DPYSL5: variants seen among roughly 807,000 people sequenced by gnomAD.
DPYSL5 encodes the protein dihydropyrimidinase like 5.
Under a neutral mutation model 58.4 loss-of-function variants are expected in DPYSL5, and 9 were observed. The observed-to-expected ratio is 0.15, with a 90% confidence interval of 0.09 to 0.27. DPYSL5 has a LOEUF of 0.27. DPYSL5 is among the 10% of genes least tolerant of loss of function. The probability of loss-of-function intolerance (pLI) is 1.00; values close to 1 mark genes in which losing one functional copy is unlikely to be tolerated. For missense variants in DPYSL5, 499 were observed against 770.6 expected, an observed-to-expected ratio of 0.65 and a Z score of 4.17; for synonymous variants, 293 against 301.9, an observed-to-expected ratio of 0.97 and a Z score of 0.31.
chr2:26,898,432 A>G lies in DPYSL5; in HGVS notation c.-4-64A>G. ...ACCATGGAATTTGGGCTTTGATAGGAGGGATGGGAAACTGGAAACAGTGAG... is the reference window on the plus strand; with the variant it reads ...ACCATGGAATTTGGGCTTTGATAGGGGGGATGGGAAACTGGAAACAGTGAG... On this transcript the variant is annotated intron_variant, in intron 1 of 12. Coordinates refer to ENST00000288699, the MANE Select transcript of DPYSL5 (RefSeq NM_020134.4). The surrounding 1 kb of genome is among the most constrained non-coding windows in gnomAD (Gnocchi z 6.1). 1.3e-6 allele frequency: 2 copies of G among 1,574,216 alleles called. No individual in the cohort carries two copies. The highest frequency in any genetic ancestry group is 1.7e-6 in the Non-Finnish European group (2 of 1,156,392).
chr2:26,917,146 A>G (rs1238051240), intron 2 of DPYSL5, among the ~76,000 whole-genome samples: 1 of 152,212 alleles, frequency 6.6e-6, no homozygotes, highest in South Asian at 2.1e-4. Context: ...CTTACAACTA[A>G]TAAGTGACGG....
intron 6 of DPYSL5, among the ~76,000 whole-genome samples, chr2:26,932,167 GAAAGAAAGA>G (rs1665032310): frequency 1.5e-5 from 1 of 64,934 alleles, no homozygotes; most frequent in African/African-American, 5.6e-5. Context: ...AAGAAAGAAA[GAAAGAAAGA>G]AAGAAAGAAA....
rs960836712 is a variant in DPYSL5 at position 26,905,253 on chromosome 2, C to T, written c.261+6493C>T. On this transcript the variant is annotated intron_variant, in intron 2 of 12. Coordinates refer to ENST00000288699, the MANE Select transcript of DPYSL5 (RefSeq NM_020134.4). This position sits in a 1 kb window ranked among gnomAD's most constrained non-coding sequence, Gnocchi z 4.0. ...CTGATGTCAGCGCCTTAGAGCTAAACAGTTTTTACTATGTATAAATGGTGT... is the reference window on the plus strand; with the variant it reads ...CTGATGTCAGCGCCTTAGAGCTAAATAGTTTTTACTATGTATAAATGGTGT... Among the ~76,000 whole-genome samples, 1 of 152,284 alleles carries T rather than the reference C, an allele frequency of 6.6e-6. No homozygotes were observed. The highest frequency in any genetic ancestry group is 2.4e-5 in the African/African-American group (1 of 41,560).
intron 1 of DPYSL5, among the ~76,000 whole-genome samples, chr2:26,883,649 T>G (rs1351031893): frequency 6.6e-6 from 1 of 152,114 alleles, no homozygotes; most frequent in Admixed American, 6.5e-5. Context: ...TCCACCCACT[T>G]CAGCCTCCCA....
At chr2:26,874,732 G>C (rs556742446) in intron 1 of DPYSL5, among the ~76,000 whole-genome samples, 1 of 152,328 alleles carries the variant, frequency 6.6e-6, no homozygotes, top group East Asian at 1.9e-4. Context: ...CTGCGTTCTG[G>C]GAGGTGGTGA....
chr2:26,944,681 G>A lies in DPYSL5; in HGVS notation c.1466G>A (p.Arg489His), dbSNP rs1665421272. ...EKTLKVRGVD[R>H]TPYLGDVAVV... is the part of the protein sequence containing the mutation. ...ACTTTAAAGGTTAGAGGAGTGGACC[G>A]CACTCCCTACCTGGGGGATGTCGCT... The change falls in exon 12 of 13, where the codon CGC (arginine) becomes CAC (histidine). Residue 489 changes from arginine to histidine, a missense_variant. Physicochemically the swap from Arg to His is conservative, Grantham distance 29 (BLOSUM62 0). Transcript: ENST00000288699. This position sits in a 1 kb window ranked among gnomAD's most constrained non-coding sequence, Gnocchi z 4.4. The A allele has an allele frequency of 1.9e-6, 3 of 1,613,882 alleles. No homozygotes were observed. The highest frequency in any genetic ancestry group is 1.7e-5 in the Admixed American group (1 of 59,984).
intron 1 of DPYSL5, among the ~76,000 whole-genome samples, chr2:26,884,855 C>T (rs899628534): frequency 1.2e-4 from 18 of 152,184 alleles, no homozygotes; most frequent in African/African-American, 4.1e-4. Context: ...TCAACTCCTG[C>T]TTGCTTGGGG....
chr2:26,925,093 G>A lies in DPYSL5; in HGVS notation c.420+48G>A, dbSNP rs1664796794. 6.3e-7 allele frequency: 1 copy of A among 1,595,978 alleles called. No individual in the cohort carries two copies. The highest frequency in any genetic ancestry group is 8.6e-7 in the Non-Finnish European group (1 of 1,169,076). On this transcript the variant is annotated intron_variant, in intron 3 of 12. Coordinates refer to ENST00000288699, the MANE Select transcript of DPYSL5 (RefSeq NM_020134.4). This position sits in a 1 kb window ranked among gnomAD's most constrained non-coding sequence, Gnocchi z 4.5. ...AGAAGAAGGCACAAGTGGTCTTGTA[G>A]GCAGAGGGGCTGGTTGGGGTGCAGT... is the stretch of plus-strand genomic sequence containing the variant.
chr2:26,904,096 C>A (rs1163578750), intron 2 of DPYSL5, among the ~76,000 whole-genome samples: 2 of 152,226 alleles, frequency 1.3e-5, no homozygotes, highest in African/African-American at 2.4e-5. Flanking sequence ...ATGGGATCGG[C>A]CTAGGGGACA....
intron 2 of DPYSL5, among the ~76,000 whole-genome samples, chr2:26,920,837 G>A (rs1277870069): frequency 1.3e-5 from 2 of 152,182 alleles, no homozygotes; most frequent in African/African-American, 2.4e-5. Flanking sequence ...GAGTATGTGT[G>A]TTTAAACATG....
At chr2:26,922,257 T>G (rs528350779) in intron 2 of DPYSL5, among the ~76,000 whole-genome samples, 6 of 152,124 alleles carry the variant, frequency 3.9e-5, no homozygotes, top group Admixed American at 2.0e-4. Context: ...GGACAGAGCT[T>G]AGGTCTGCAG....
At chr2:26,850,198 T>C (rs1665716062) in intron 1 of DPYSL5, among the ~76,000 whole-genome samples, 1 of 152,174 alleles carries the variant, frequency 6.6e-6, no homozygotes, top group South Asian at 2.1e-4. Context: ...GGTCCAGTGC[T>C]TTTCTTTGCC....
At position 26,937,560 on chromosome 2, in the gene DPYSL5, G is replaced by A. The variant is rs193177060; in HGVS notation, c.948-2471G>A. ...AATTATCTACTTTAGGGTATGATTTGTGATTTGTTAGGCCCTGCAGGAATA... is the reference window on the plus strand; with the variant it reads ...AATTATCTACTTTAGGGTATGATTTATGATTTGTTAGGCCCTGCAGGAATA... On this transcript the variant is annotated intron_variant, in intron 8 of 12. Coordinates refer to ENST00000288699, the MANE Select transcript of DPYSL5 (RefSeq NM_020134.4). 9.3e-4 allele frequency among the ~76,000 whole-genome samples: 141 copies of A among 151,828 alleles called. No individual in the cohort carries two copies. The Middle Eastern group carries it at 0.021, about 22-fold the overall frequency.
chr2:26,860,551 A>G (rs1665985108), intron 1 of DPYSL5, among the ~76,000 whole-genome samples: 1 of 152,244 alleles, frequency 6.6e-6, no homozygotes, highest in East Asian at 1.9e-4. Context: ...TCCTAAAGAT[A>G]TACAAGCACA....
chr2:26,895,806 C>T (rs559812477), intron 1 of DPYSL5, among the ~76,000 whole-genome samples: 2 of 113,840 alleles, frequency 1.8e-5, no homozygotes, highest in East Asian at 2.6e-4. Flanking sequence ...TTTGAGATGG[C>T]GTCTCGCTGT....
At position 26,928,704 on chromosome 2, in the gene DPYSL5, T is replaced by TATAC; in HGVS notation, c.669+382_669+383insTACA. Among the ~76,000 whole-genome samples, 10 of 63,002 alleles carry TATAC rather than the reference T, an allele frequency of 1.6e-4. 1 individual carries two copies. Among genetic ancestry groups the TATAC allele is most frequent in the South Asian group, 7.1e-4 (1 of 1,414 alleles). The allele number at this position is 63,002 out of a possible 152,430, so 41.3% of individuals were successfully genotyped here. Reference sequence around the variant, plus strand: ...GTGATAGAGTATATATATATATATATACACACACACACATACATATATATA... The same window carrying TATAC: ...GTGATAGAGTATATATATATATATATATACACACACACACACATACATATATATA... On this transcript the variant is annotated intron_variant, in intron 5 of 12. Transcript: ENST00000288699.
At chr2:26,881,685 C>T (rs1371074600) in intron 1 of DPYSL5, among the ~76,000 whole-genome samples, 1 of 151,986 alleles carries the variant, frequency 6.6e-6, no homozygotes, top group Non-Finnish European at 1.5e-5. Context: ...GGAGAGAGAG[C>T]CTGGGAACAC....
In DPYSL5 at chr2:26,905,293, T is replaced by A. The variant is rs560659306; in HGVS notation, c.261+6533T>A. 6.6e-6 allele frequency among the ~76,000 whole-genome samples: 1 copy of A among 152,316 alleles called. No individual in the cohort carries two copies. The highest frequency in any genetic ancestry group is 2.4e-5 in the African/African-American group (1 of 41,570). ...ATAAATGGTGTTTGTAAGGATTAGA[T>A]GAGATGATGCATGACAAATGCTTCA... is the stretch of plus-strand genomic sequence containing the variant. On this transcript the variant is annotated intron_variant, in intron 2 of 12. Transcript: ENST00000288699. The surrounding 1 kb of genome is among the most constrained non-coding windows in gnomAD (Gnocchi z 4.0).
At chr2:26,901,514 C>T (rs1268410449) in intron 2 of DPYSL5, among the ~76,000 whole-genome samples, 3 of 152,060 alleles carry the variant, frequency 2.0e-5, no homozygotes, top group African/African-American at 2.4e-5. Context: ...CTGATGGGGA[C>T]GGGTGGATTT....
Sources: gnomAD v4.1 joint callset for allele counts (sites outside exome capture counted in the v4.1 genomes callset) on GRCh38, gnomAD v4.1.1 for gene constraint, Gnocchi (gnomAD v3.1) non-coding constraint, MANE v1.5 for transcripts, NCBI Gene and HGNC (gene_info 2026-07-23, HGNC 2026-07-21) for gene names.